TMX4: variants seen among roughly 807,000 people sequenced by gnomAD.
The protein encoded by TMX4 is thioredoxin related transmembrane protein 4.
A neutral mutation model predicts 33.3 loss-of-function variants in TMX4; 23 were observed. That is an observed-to-expected ratio of 0.69 (90% confidence interval 0.50 to 0.98). The LOEUF is 0.98. Ranked by LOEUF, TMX4 falls within the 50% of genes least tolerant of loss-of-function variation. The probability of loss-of-function intolerance (pLI) is 0.00; values close to 1 mark genes in which losing one functional copy is unlikely to be tolerated. For missense variants in TMX4, 399 were observed against 448.9 expected, an observed-to-expected ratio of 0.89 and a Z score of 1.01; for synonymous variants, 164 against 161.5, an observed-to-expected ratio of 1.02 and a Z score of -0.12.
chr20:7,982,640 G>A lies in TMX4; in HGVS notation c.680-19C>T. On this transcript the variant is annotated intron_variant, in intron 7 of 7. Coordinates refer to ENST00000246024, the MANE Select transcript of TMX4 (RefSeq NM_021156.4). The stretch of plus-strand genomic sequence containing the variant: ...TTCTGCTCTATGGAGGGAAGAAAGA[G>A]GAATATCCTCTGAATAAACAATGGT... 1.9e-6 allele frequency: 3 copies of A among 1,593,078 alleles called. No individual in the cohort carries two copies. Among genetic ancestry groups the A allele is most frequent in the Non-Finnish European group, 2.6e-6 (3 of 1,172,210 alleles).
In TMX4 at chr20:7,990,066, G is replaced by A. The variant is rs569889342; in HGVS notation, c.514-2677C>T. ...AATCCCAGCACTTTGGAAGGCCGAG[G>A]CGGGTGAATCACGAGGTCAGGAGTT... On this transcript the variant is annotated intron_variant, in intron 5 of 7. Transcript: ENST00000246024. 2.6e-5 allele frequency among the ~76,000 whole-genome samples: 4 copies of A among 152,244 alleles called. No homozygotes were observed. The East Asian group carries it at 5.8e-4, about 22-fold the overall frequency.
At chr20:7,993,809 A>G (rs2050665022) in intron 5 of TMX4, among the ~76,000 whole-genome samples, 1 of 152,042 alleles carries the variant, frequency 6.6e-6, no homozygotes, top group African/African-American at 2.4e-5. Flanking sequence ...ACGGAGATCA[A>G]AATAACACTG....
At chr20:8,004,545 GAC>G (rs1365895535) in intron 2 of TMX4, among the ~76,000 whole-genome samples, 1 of 152,078 alleles carries the variant, frequency 6.6e-6, no homozygotes, top group African/African-American at 2.4e-5. Flanking sequence ...TGAAGACTGT[GAC>G]ACAACATAAA....
At position 8,019,625 on chromosome 20, in the gene TMX4, A is replaced by T; in HGVS notation, c.-12T>A. 7.5e-7 allele frequency: 1 copy of T among 1,331,000 alleles called. No homozygotes were observed. 82.4% of individuals were successfully genotyped at this position (1,331,000 alleles called of 1,614,324 possible). ...CGCCCACCCGCCATGTTGGGCGCCG[A>T]GCGAGGCTTCTCGGCGGGGAGTGTG... On this transcript the variant is annotated 5_prime_UTR_variant, in exon 1 of 8. Transcript: ENST00000246024.
intron 4 of TMX4, among the ~76,000 whole-genome samples, chr20:7,998,709 A>G (rs1422334949): frequency 6.6e-6 from 1 of 152,154 alleles, no homozygotes; most frequent in Non-Finnish European, 1.5e-5. Flanking sequence ...GGGCTTATGC[A>G]TATGCCATAC....
intron 2 of TMX4, among the ~76,000 whole-genome samples, chr20:8,007,123 C>T (rs556676732): frequency 6.6e-6 from 1 of 152,308 alleles, no homozygotes; most frequent in South Asian, 2.1e-4. Flanking sequence ...CTGGCACATA[C>T]AGATCATAGA....
At chr20:7,994,553 G>A (rs115338719) in intron 5 of TMX4, among the ~76,000 whole-genome samples, 4 of 152,256 alleles carry the variant, frequency 2.6e-5, no homozygotes, top group African/African-American at 7.2e-5. Context: ...CCCTGCTATC[G>A]TCTTTGAAAG....
intron 4 of TMX4, 82 bp from the exon 5 acceptor site, chr20:7,996,153 ATTT>A: frequency 9.0e-7 from 1 of 1,106,856 alleles, no homozygotes. Context: ...GGACTGGTCT[ATTT>A]CCCTCCACTT....
intron 4 of TMX4, among the ~76,000 whole-genome samples, chr20:7,998,312 T>A (rs1174828403): frequency 6.6e-6 from 1 of 152,144 alleles, no homozygotes; most frequent in Non-Finnish European, 1.5e-5. Context: ...AGTACCAAGA[T>A]CCATCATGTA....
At chr20:8,009,748 A>G (rs113117907) in intron 2 of TMX4, among the ~76,000 whole-genome samples, 1,878 of 152,076 alleles carry the variant, frequency 0.012, 32 homozygotes, top group African/African-American at 0.042. Flanking sequence ...TCTTTTCAGA[A>G]TATCAATGTC....
At chr20:8,000,584 C>T (rs6140490) in intron 3 of TMX4, among the ~76,000 whole-genome samples, 25,580 of 151,888 alleles carry the variant, frequency 0.17, 3,474 homozygotes, top group East Asian at 0.52. Context: ...CTGCTCTGAG[C>T]ATTACTTCTC....
chr20:8,010,160 T>G, intron 2 of TMX4, 40 bp downstream of exon 2: 1 of 1,543,784 alleles, frequency 6.5e-7, no homozygotes, highest in East Asian at 2.3e-5. Context: ...AAATAAAAAG[T>G]CGGTAAACTT....
At chr20:8,009,369 C>A (rs2050743162) in intron 2 of TMX4, among the ~76,000 whole-genome samples, 1 of 152,026 alleles carries the variant, frequency 6.6e-6, no homozygotes, top group African/African-American at 2.4e-5. Context: ...ACTAGAAATT[C>A]ACTCTCTGGA....
rs570713949 is a variant in TMX4, at chr20:8,005,894, G to A, written c.292+4306C>T. The stretch of plus-strand genomic sequence containing the variant: ...CCGTTCTGGCCTCCCCATCCACCTC[G>A]CTGAGAGCTACTTCCACTCAATAAA... On this transcript the variant is annotated intron_variant, in intron 2 of 7. Coordinates refer to ENST00000246024, the MANE Select transcript of TMX4 (RefSeq NM_021156.4). Among the ~76,000 whole-genome samples the A allele has an allele frequency of 7.2e-5, 11 of 152,216 alleles. 1 individual carries two copies. Among genetic ancestry groups the A allele is most frequent in the African/African-American group, 2.6e-4 (11 of 41,542 alleles).
chr20:8,011,106 T>G (rs895399159), intron 1 of TMX4, among the ~76,000 whole-genome samples: 2 of 152,092 alleles, frequency 1.3e-5, no homozygotes, highest in African/African-American at 4.8e-5. Context: ...AATAAAGTCT[T>G]GAATAAATAG....
At position 7,996,062 on chromosome 20, in the gene TMX4, T is replaced by C. The variant is rs1187785388; in HGVS notation, c.477A>G (p.Gly159=). ...CAGAGATGCTAAAAAGACCAGCCAT[T>C]CCAGACATCCTTAAAAAAAAATAAA... ...WKSPASLTMS[G]MAGLFSISGK... is the part of the protein sequence containing the mutation. The change falls in exon 5 of 8, where the codon GGA becomes GGG. Residue 159 remains glycine, a synonymous_variant. Transcript: ENST00000246024. 2 of 1,610,786 alleles carry C rather than the reference T, an allele frequency of 1.2e-6. No homozygotes were observed. The highest frequency in any genetic ancestry group is 1.1e-5 in the South Asian group (1 of 90,404).
intron 1 of TMX4, among the ~76,000 whole-genome samples, chr20:8,016,323 A>T (rs915717756): frequency 2.6e-5 from 4 of 152,126 alleles, no homozygotes; most frequent in African/African-American, 9.7e-5. Context: ...ACTGAGCTGA[A>T]ATCGCACCAC....
At position 8,003,261 on chromosome 20, in the gene TMX4, C is replaced by T. The variant is rs541141495; in HGVS notation, c.293-1720G>A. Reference sequence around the variant, plus strand: ...CAAAAATTTTATCTAAAGACAGTTACGGTATTAAGAATGTATATTTCATTT... The same window carrying T: ...CAAAAATTTTATCTAAAGACAGTTATGGTATTAAGAATGTATATTTCATTT... On this transcript the variant is annotated intron_variant, in intron 2 of 7. Transcript: ENST00000246024. 1.9e-4 allele frequency among the ~76,000 whole-genome samples: 29 copies of T among 152,048 alleles called. No homozygotes were observed. In the East Asian group the frequency reaches 2.9e-3, roughly 15 times the overall value.
At position 7,995,437 on chromosome 20, in the gene TMX4, C is replaced by G. The variant is rs2050671959; in HGVS notation, c.513+589G>C. On this transcript the variant is annotated intron_variant, in intron 5 of 7. Transcript: ENST00000246024. Reference sequence around the variant, plus strand: ...ACAGTTCTAACCCACTGAAATGACTCAGAGAAATTATACGATCACATATAG... The same window carrying G: ...ACAGTTCTAACCCACTGAAATGACTGAGAGAAATTATACGATCACATATAG... Among the ~76,000 whole-genome samples, 3 of 152,232 alleles carry G rather than the reference C, an allele frequency of 2.0e-5. No homozygotes were observed. The South Asian group carries it at 6.2e-4, about 32-fold the overall frequency.
Sources: allele counts gnomAD v4.1 joint callset (sites outside exome capture counted in the v4.1 genomes callset), GRCh38; gene constraint gnomAD v4.1.1; transcripts MANE v1.5; gene names NCBI Gene and HGNC (gene_info 2026-07-23, HGNC 2026-07-21).